Variants in GUCY1A2 observed in about 807,000 individuals in gnomAD.
GUCY1A2 encodes guanylate cyclase soluble subunit alpha-2.
GUCY1A2 carries 27 observed loss-of-function variants against 63.5 expected under a neutral mutation model. That is an observed-to-expected ratio of 0.43 (90% CI 0.31 to 0.59). The LOEUF is 0.59. Ranked by LOEUF, GUCY1A2 falls within the 20% of genes least tolerant of loss-of-function variation. The probability of loss-of-function intolerance (pLI) is 0.11; values close to 1 mark genes in which losing one functional copy is unlikely to be tolerated. For missense variants in GUCY1A2, 768 were observed against 913.3 expected (o/e 0.84, Z 2.05); for synonymous variants, 364 against 343.5 (o/e 1.06, Z -0.66).
chr11:106,683,690 T>C lies in GUCY1A2; in HGVS notation c.*3859A>G, dbSNP rs1236220211. 1 of 225,712 alleles carries C rather than the reference T, an allele frequency of 4.4e-6. No individual in the cohort carries two copies. The allele number at this position is 225,712 out of a possible 1,614,324, so 14.0% of individuals were successfully genotyped here. On this transcript the variant is annotated 3_prime_UTR_variant, in exon 8 of 8. Coordinates refer to ENST00000526355, the MANE Select transcript of GUCY1A2 (RefSeq NM_000855.3). The stretch of plus-strand genomic sequence containing the variant: ...GAATGGAGTAAGAAAGGGTCCAGAA[T>C]GGACTGAGTCATTCTCAAAATGACA...
chr11:106,909,624 G>A (rs185509155), intron 4 of GUCY1A2, among the ~76,000 whole-genome samples: 1 of 151,650 alleles, frequency 6.6e-6, no homozygotes, highest in Non-Finnish European at 1.5e-5. Context: ...ATCTTTCAGG[G>A]CTGTCGTTAT....
In GUCY1A2 at chr11:106,835,583, C is replaced by T. The variant is rs534498579; in HGVS notation, c.1207-25105G>A. Among the ~76,000 whole-genome samples the T allele has an allele frequency of 5.3e-5, 8 of 151,762 alleles. No individual in the cohort carries two copies. In the South Asian group the frequency reaches 1.7e-3, roughly 32 times the overall value. ...TATGAACTCACGATATCAAGCACAG[C>T]ATCCACCAAGAAATATAAATAAAAC... is the stretch of plus-strand genomic sequence containing the variant. On this transcript the variant is annotated intron_variant, in intron 4 of 7. Coordinates refer to ENST00000526355, the MANE Select transcript of GUCY1A2 (RefSeq NM_000855.3).
At chr11:106,691,871 G>T (rs1862630960) in intron 7 of GUCY1A2, among the ~76,000 whole-genome samples, 1 of 152,146 alleles carries the variant, frequency 6.6e-6, no homozygotes, top group African/African-American at 2.4e-5. Context: ...ATTTATTACA[G>T]CAGACTTTGT....
chr11:106,882,863 T>G (rs541570698), intron 4 of GUCY1A2, among the ~76,000 whole-genome samples: 3 of 152,168 alleles, frequency 2.0e-5, no homozygotes, highest in African/African-American at 7.2e-5. Flanking sequence ...ATATTAAGAT[T>G]TTATCAGTTC....
chr11:106,714,003 CTTTTT>C (rs5794485), intron 6 of GUCY1A2, among the ~76,000 whole-genome samples: 1 of 138,406 alleles, frequency 7.2e-6, no homozygotes, highest in East Asian at 2.0e-4. Context: ...ATTTTACACT[CTTTTT>C]TTCTTTTCTT....
intron 4 of GUCY1A2, among the ~76,000 whole-genome samples, chr11:106,925,006 CA>C (rs1203428857): frequency 6.6e-6 from 1 of 151,720 alleles, no homozygotes; most frequent in Non-Finnish European, 1.5e-5. Flanking sequence ...GATCCTGTCT[CA>C]AAAAAACAAA....
At chr11:106,811,569 G>A (rs1858762833) in intron 4 of GUCY1A2, among the ~76,000 whole-genome samples, 1 of 151,950 alleles carries the variant, frequency 6.6e-6, no homozygotes, top group Admixed American at 6.6e-5. Flanking sequence ...AAAAACTGGT[G>A]GCACTGAACA....
chr11:107,011,443 T>C (rs576827696), intron 1 of GUCY1A2, among the ~76,000 whole-genome samples: 1 of 150,792 alleles, frequency 6.6e-6, no homozygotes, highest in South Asian at 2.1e-4. Context: ...ACTTCACCTA[T>C]GCATCTTAGA....
At chr11:106,688,692 T>C (rs891355891) in intron 7 of GUCY1A2, among the ~76,000 whole-genome samples, 6 of 152,090 alleles carry the variant, frequency 3.9e-5, no homozygotes, top group African/African-American at 1.4e-4. Context: ...ATAGGCTAGA[T>C]GCCATCAGAA....
chr11:106,697,965 C>A (rs1280058781), intron 7 of GUCY1A2, among the ~76,000 whole-genome samples: 6 of 152,120 alleles, frequency 3.9e-5, no homozygotes, highest in African/African-American at 1.4e-4. Context: ...TAGGTGTTCC[C>A]TACTCCACTC....
At chr11:106,795,444 T>C (rs1004195397) in intron 5 of GUCY1A2, among the ~76,000 whole-genome samples, 2 of 152,126 alleles carry the variant, frequency 1.3e-5, no homozygotes, top group African/African-American at 4.8e-5. Flanking sequence ...ACTCTGACTA[T>C]CACAGGAAAA....
intron 6 of GUCY1A2, chr11:106,746,620 G>T (rs1351461172): frequency 1.3e-6 from 2 of 1,595,500 alleles, no homozygotes; most frequent in South Asian, 2.2e-5. Flanking sequence ...CAGGAAAGGA[G>T]AAAAGGAGTT....
At chr11:106,779,932 A>C (rs1211816148) in intron 5 of GUCY1A2, among the ~76,000 whole-genome samples, 1 of 152,224 alleles carries the variant, frequency 6.6e-6, no homozygotes, top group Admixed American at 6.5e-5. Context: ...TGGAATCCCA[A>C]CATTTTGGGA....
chr11:106,971,182 A>G (rs1460114832), intron 3 of GUCY1A2, among the ~76,000 whole-genome samples: 2 of 151,602 alleles, frequency 1.3e-5, no homozygotes, highest in Non-Finnish European at 2.9e-5. Context: ...ATAGAACTTT[A>G]CAGCAGAAGA....
intron 4 of GUCY1A2, among the ~76,000 whole-genome samples, chr11:106,812,997 CT>C (rs1203850015): frequency 6.6e-6 from 1 of 151,852 alleles, no homozygotes; most frequent in African/African-American, 2.4e-5. Flanking sequence ...ATAAATTATC[CT>C]TCTTGAATTA....
chr11:107,004,994 G>A (rs1350130734), intron 1 of GUCY1A2, among the ~76,000 whole-genome samples: 1 of 152,148 alleles, frequency 6.6e-6, no homozygotes, highest in African/African-American at 2.4e-5. Flanking sequence ...CCATGGTAAG[G>A]CATCACCCCT....
At chr11:106,989,768 C>A (rs1180336186) in intron 1 of GUCY1A2, among the ~76,000 whole-genome samples, 1 of 151,940 alleles carries the variant, frequency 6.6e-6, no homozygotes, top group South Asian at 2.1e-4. Flanking sequence ...TCCAATGAAA[C>A]ATTAAGATCA....
chr11:106,958,366 C>A (rs986922686), intron 3 of GUCY1A2, among the ~76,000 whole-genome samples: 3 of 152,134 alleles, frequency 2.0e-5, no homozygotes, highest in African/African-American at 7.2e-5. Flanking sequence ...AACTGAATAT[C>A]TCCAGTAATT....
intron 4 of GUCY1A2, chr11:106,825,064 T>G (rs1222666593): frequency 1.3e-6 from 1 of 755,430 alleles, no homozygotes; most frequent in Non-Finnish European, 2.1e-6. Flanking sequence ...ATATTTTATA[T>G]GTATGGATCT....
Sources: allele counts gnomAD v4.1 joint callset (sites outside exome capture counted in the v4.1 genomes callset), GRCh38; gene constraint gnomAD v4.1.1; transcripts MANE v1.5; gene names NCBI Gene and HGNC (gene_info 2026-07-23, HGNC 2026-07-21).